Variants in PLAC9 observed in about 807,000 individuals in gnomAD.
PLAC9 encodes the protein placenta associated 9, also known as placenta-specific protein 9.
A neutral mutation model predicts 11.5 loss-of-function variants in PLAC9; 12 were observed. The observed-to-expected ratio is 1.05, with a 90% CI of 0.67 to 1.69. PLAC9 has a LOEUF of 1.69. Ranked by LOEUF, PLAC9 falls within the 40% of genes most tolerant of loss-of-function variation. The pLI, the probability that PLAC9 is intolerant of heterozygous loss-of-function variation, is 0.00. For synonymous variants in PLAC9, 62 were observed against 58.1 expected (o/e 1.07, Z -0.31); for missense variants, 132 against 130.5 (o/e 1.01, Z -0.06).
At chr10:80,133,447 G>A (rs908425239) in intron 1 of PLAC9, among the ~76,000 whole-genome samples, 2 of 152,254 alleles carry the variant, frequency 1.3e-5, no homozygotes, top group African/African-American at 2.4e-5. Context: ...GGCTAGCCCA[G>A]CACAGCCTTA....
At chr10:80,137,806 T>G (rs1844997015) in intron 1 of PLAC9, among the ~76,000 whole-genome samples, 1 of 151,846 alleles carries the variant, frequency 6.6e-6, no homozygotes, top group Non-Finnish European at 1.5e-5. Flanking sequence ...TCCCAGCTAC[T>G]CTGGAGGCTG....
At chr10:80,144,026 GC>G (rs1479710968) in intron 2 of PLAC9, 196 bp from the exon 3 acceptor site, 5 of 665,222 alleles carry the variant, frequency 7.5e-6, no homozygotes, top group Non-Finnish European at 1.3e-5. Flanking sequence ...TAGAGAGCAA[GC>G]CCCCTAGGAT....
chr10:80,144,400 C>T (rs1252901463), intron 3 of PLAC9, 57 bp downstream of exon 3: 12 of 1,513,428 alleles, frequency 7.9e-6, no homozygotes, highest in Non-Finnish European at 9.7e-6. Flanking sequence ...TGGCGCTGGG[C>T]AGGCGAGACA....
At chr10:80,144,568 G>A (rs1205111329) in intron 3 of PLAC9, among the ~76,000 whole-genome samples, 1 of 151,608 alleles carries the variant, frequency 6.6e-6, no homozygotes, top group African/African-American at 2.4e-5. Flanking sequence ...TGAGGTTCTG[G>A]AAGAGCCGGC....
At chr10:80,140,467 C>A (rs1158358212) in intron 1 of PLAC9, among the ~76,000 whole-genome samples, 1 of 152,206 alleles carries the variant, frequency 6.6e-6, no homozygotes, top group Non-Finnish European at 1.5e-5. Context: ...CCGCTGCTTT[C>A]GGCCCTGCTG....
At chr10:80,143,403 TTTTTTTTTTTTTG>T (rs1191700011) in intron 2 of PLAC9, among the ~76,000 whole-genome samples, 2 of 131,678 alleles carry the variant, frequency 1.5e-5, no homozygotes, top group East Asian at 4.3e-4. Context: ...TTTTTTTTTT[TTTTTTTTTTTTTG>T]AGGCAGAGTC....
At position 80,138,951 on chromosome 10, in the gene PLAC9, CTTTTTTTT is replaced by C. The variant is rs773767546; in HGVS notation, c.65-3120_65-3113del. ...CTCTAAAAGTTAAATTGCAATATTC[CTTTTTTTT>C]TTTTTTTTTTGAGACGGAGTCTAGC... On this transcript the variant is annotated intron_variant, in intron 1 of 3. Transcript: ENST00000372263. Among the ~76,000 whole-genome samples, 10 of 131,306 alleles carry C rather than the reference CTTTTTTTT, an allele frequency of 7.6e-5. No homozygotes were observed. In the South Asian group the frequency reaches 1.9e-3, roughly 24 times the overall value. The allele number at this position is 131,306 out of a possible 152,430, so 86.1% of individuals were successfully genotyped here.
intron 1 of PLAC9, among the ~76,000 whole-genome samples, chr10:80,133,992 AGTGT>A (rs1482732484): frequency 2.0e-5 from 3 of 151,658 alleles, no homozygotes; most frequent in Non-Finnish European, 2.9e-5. Flanking sequence ...TTCATGTATT[AGTGT>A]AATTTCACAC....
intron 2 of PLAC9, 26 bp from the exon 3 acceptor site, chr10:80,144,197 C>G: frequency 6.2e-7 from 1 of 1,614,062 alleles, no homozygotes; most frequent in South Asian, 1.1e-5. Context: ...CTTCTGTCCT[C>G]GACTTTACCC....
intron 3 of PLAC9, 32 bp from the exon 4 acceptor site, chr10:80,144,868 C>G (rs1845083931): frequency 6.4e-7 from 1 of 1,560,736 alleles, no homozygotes. Context: ...GGCACCCCAG[C>G]TTGCTCACTG....
intron 1 of PLAC9, 23 bp downstream of exon 1, chr10:80,132,849 C>A: frequency 6.8e-7 from 1 of 1,481,444 alleles, no homozygotes; most frequent in South Asian, 1.3e-5. Context: ...CAGGGCGCGG[C>A]AGGGGACCTG....
rs1480660646 is a variant in PLAC9, at chr10:80,132,840, A to G, written c.64+14A>G. 1 of 1,485,198 alleles carries G rather than the reference A, an allele frequency of 6.7e-7. No homozygotes were observed. Among genetic ancestry groups the G allele is most frequent in the Admixed American group, 2.3e-5 (1 of 43,978 alleles). 92.0% of individuals were successfully genotyped at this position (1,485,198 alleles called of 1,614,324 possible). ...GCTCTTTGGCCGGTGAGTGGGGCGC[A>G]GGGCGCGGCAGGGGACCTGGAGCCG... is the stretch of plus-strand genomic sequence containing the variant. On this transcript the variant is annotated intron_variant, in intron 1 of 3. Coordinates refer to ENST00000372263, the MANE Select transcript of PLAC9 (RefSeq NM_001012973.3).
intron 1 of PLAC9, among the ~76,000 whole-genome samples, chr10:80,133,464 CAG>C (rs1392432198): frequency 6.6e-6 from 1 of 152,210 alleles, no homozygotes; most frequent in Non-Finnish European, 1.5e-5. Context: ...CTTAAGGAAC[CAG>C]GCAGTCGGGC....
chr10:80,140,308 G>C (rs555459104), intron 1 of PLAC9, among the ~76,000 whole-genome samples: 1 of 152,054 alleles, frequency 6.6e-6, no homozygotes, highest in Non-Finnish European at 1.5e-5. Context: ...AAATTTTCCA[G>C]AATCCAAGTT....
In PLAC9 at chr10:80,145,026, T is replaced by C; in HGVS notation, c.*116T>C. ...GCTTCATGTGAAATAAAAGCTATTC[T>C]GGTCTCCTCTGTGTCTGCTGACAGA... On this transcript the variant is annotated 3_prime_UTR_variant, in exon 4 of 4. Transcript: ENST00000372263. 2 of 1,297,280 alleles carry C rather than the reference T, an allele frequency of 1.5e-6. No individual in the cohort carries two copies. Among genetic ancestry groups the C allele is most frequent in the Non-Finnish European group, 2.2e-6 (2 of 916,598 alleles). 80.4% of individuals were successfully genotyped at this position (1,297,280 alleles called of 1,614,324 possible). A position where few individuals can be genotyped will look rare whatever the true frequency, so the allele number is the denominator to read the frequency against.
At chr10:80,137,340 G>A (rs1022233298) in intron 1 of PLAC9, among the ~76,000 whole-genome samples, 1 of 152,220 alleles carries the variant, frequency 6.6e-6, no homozygotes, top group Non-Finnish European at 1.5e-5. Context: ...TTCCAAAGCA[G>A]CCAGACTCCC....
At chr10:80,131,938 G>A (rs938982355), upstream of PLAC9, 1 of 152,270 alleles carries the variant, frequency 6.6e-6, no homozygotes, top group Admixed American at 6.5e-5. Context: ...CTCTGCAGCA[G>A]AGAAGTTAGA....
At position 80,144,919 on chromosome 10, in the gene PLAC9, G is replaced by C. The variant is rs778582239; in HGVS notation, c.*9G>C. The stretch of plus-strand genomic sequence containing the variant: ...TTTCAGATGGCTTCTGAGCCCTGGA[G>C]CTGGAGCCCAGCAGTTGGAGGTGGT... On this transcript the variant is annotated 3_prime_UTR_variant, in exon 4 of 4. Coordinates refer to ENST00000372263, the MANE Select transcript of PLAC9 (RefSeq NM_001012973.3). 1.8e-5 allele frequency: 29 copies of C among 1,573,752 alleles called. No homozygotes were observed. In the African/African-American group the frequency reaches 3.6e-4, roughly 20 times the overall value.
chr10:80,143,787 G>A (rs1428169172), intron 2 of PLAC9, among the ~76,000 whole-genome samples: 2 of 152,132 alleles, frequency 1.3e-5, no homozygotes, highest in African/African-American at 4.8e-5. Context: ...CTGAGAAGAG[G>A]TCTGTAGGCT....
Sources: allele counts gnomAD v4.1 joint callset (sites outside exome capture counted in the v4.1 genomes callset), GRCh38; gene constraint gnomAD v4.1.1; transcripts MANE v1.5; gene names NCBI Gene and HGNC (gene_info 2026-07-23, HGNC 2026-07-21).